Variants in ZNF428 observed in about 807,000 individuals in gnomAD.
ZNF428 encodes the protein enzyme-like protein PIT13.
Under a neutral mutation model 15.6 loss-of-function variants are expected in ZNF428, and 5 were observed. The ratio of observed to expected loss-of-function variants is 0.32; its 90% CI spans 0.17 to 0.67. ZNF428 has a LOEUF of 0.67. Among genes scored for constraint, ZNF428 ranks in the 30% least tolerant of loss-of-function variants. ZNF428 has a pLI of 0.73. For missense variants in ZNF428, 237 were observed against 256.0 expected (o/e 0.93, Z 0.51); for synonymous variants, 97 against 102.2 (o/e 0.95, Z 0.31).
At position 43,614,370 on chromosome 19, in the gene ZNF428, T is replaced by C. The variant is rs2146121070; in HGVS notation, c.-66A>G. 6.5e-7 allele frequency: 1 copy of C among 1,529,296 alleles called. No individual in the cohort carries two copies. The highest frequency in any genetic ancestry group is 2.2e-5 in the Admixed American group (1 of 45,910). The allele number at this position is 1,529,296 out of a possible 1,614,324, so 94.7% of individuals were successfully genotyped here. On this transcript the variant is annotated 5_prime_UTR_variant, in exon 2 of 3. Coordinates refer to ENST00000300811, the MANE Select transcript of ZNF428 (RefSeq NM_182498.4). Reference sequence around the variant, plus strand: ...TGAGCAGCGTCCCTCCCCGGCCAGCTCTCCACAGCCACACCTCCGGCCACA... The same window carrying C: ...TGAGCAGCGTCCCTCCCCGGCCAGCCCTCCACAGCCACACCTCCGGCCACA...
intron 1 of ZNF428, among the ~76,000 whole-genome samples, chr19:43,617,925 G>A (rs1973388057): frequency 6.6e-6 from 1 of 151,852 alleles, no homozygotes; most frequent in South Asian, 2.1e-4. Context: ...GCAGTAGCGC[G>A]ATCTCGGCTC....
At chr19:43,613,771 C>A in intron 2 of ZNF428, 1 of 1,551,442 alleles carries the variant, frequency 6.4e-7, no homozygotes, top group South Asian at 1.2e-5. Flanking sequence ...AATCTAGAAG[C>A]CCCAGCGAGG....
chr19:43,608,354 A>G (rs1187778071), intron 2 of ZNF428, among the ~76,000 whole-genome samples: 1 of 152,246 alleles, frequency 6.6e-6, no homozygotes, highest in Non-Finnish European at 1.5e-5. Context: ...AGGACTGGGC[A>G]CAGTGGCTTA....
intron 1 of ZNF428, among the ~76,000 whole-genome samples, chr19:43,614,971 A>G (rs1973357429): frequency 2.0e-5 from 3 of 151,984 alleles, no homozygotes. Context: ...GGGTAGGGAG[A>G]GGTGACACTC....
chr19:43,611,406 G>A (rs910922792), intron 2 of ZNF428, among the ~76,000 whole-genome samples: 3 of 151,498 alleles, frequency 2.0e-5, no homozygotes, highest in African/African-American at 7.3e-5. Flanking sequence ...TGCAACCTCC[G>A]CCTCCAAGGT....
At chr19:43,608,205 G>T (rs1973260811) in intron 2 of ZNF428, 98 bp from the exon 3 acceptor site, 2 of 1,492,266 alleles carry the variant, frequency 1.3e-6, no homozygotes, top group Non-Finnish European at 1.8e-6. Context: ...ACTTGCCATA[G>T]TATGACAAGG....
In ZNF428 at chr19:43,608,111, G is replaced by A. The variant is rs1324274957; in HGVS notation, c.77-4C>T. On this transcript the variant is annotated splice_region_variant and splice_polypyrimidine_tract_variant and intron_variant, in intron 2 of 2. Coordinates refer to ENST00000300811, the MANE Select transcript of ZNF428 (RefSeq NM_182498.4). ...GAATCAGAGGAATGCTCGGGGCCTG[G>A]AGGGGGACAGACAGGGGAAGACAGT... 3 of 1,608,768 alleles carry A rather than the reference G, an allele frequency of 1.9e-6. No individual in the cohort carries two copies. The highest frequency in any genetic ancestry group is 2.2e-5 in the South Asian group (2 of 90,234).
intron 2 of ZNF428, chr19:43,613,759 C>A (rs751797159): frequency 6.5e-7 from 1 of 1,550,376 alleles, no homozygotes; most frequent in South Asian, 1.2e-5. Context: ...GAGATCGCAG[C>A]CAATCTAGAA....
At chr19:43,613,616 C>T (rs559761240) in intron 2 of ZNF428, 29 of 1,548,624 alleles carry the variant, frequency 1.9e-5, no homozygotes, top group East Asian at 7.4e-5. Flanking sequence ...AGATCACAGA[C>T]GATCTAGAAG....
At chr19:43,613,216 T>C in intron 2 of ZNF428, 5 of 1,551,118 alleles carry the variant, frequency 3.2e-6, no homozygotes, top group South Asian at 2.4e-5. Context: ...AAAGAAGTCA[T>C]AGCCATTCCA....
In ZNF428 at chr19:43,612,656, A is replaced by T. The variant is rs1414895210; in HGVS notation, c.76+1573T>A. 5.8e-6 allele frequency: 9 copies of T among 1,551,346 alleles called. No individual in the cohort carries two copies. The highest frequency in any genetic ancestry group is 7.8e-6 in the Non-Finnish European group (9 of 1,146,990). Reference sequence around the variant, plus strand: ...AAAGAGTTACGGCCGGCCTAGAACCAGCAACAGGGAAAGGAGTGACAGCCA... The same window carrying T: ...AAAGAGTTACGGCCGGCCTAGAACCTGCAACAGGGAAAGGAGTGACAGCCA... On this transcript the variant is annotated intron_variant, in intron 2 of 2. Coordinates refer to ENST00000300811, the MANE Select transcript of ZNF428 (RefSeq NM_182498.4). The surrounding 1 kb of genome is among the most constrained non-coding windows in gnomAD (Gnocchi z 4.2).
At position 43,613,506 on chromosome 19, in the gene ZNF428, G is replaced by C. The variant is rs10408803; in HGVS notation, c.76+723C>G. 1,241 of 1,548,138 alleles carry C rather than the reference G, an allele frequency of 8.0e-4. 19 individuals are homozygous for C. In the African/African-American group the frequency reaches 0.014, roughly 18 times the overall value. On this transcript the variant is annotated intron_variant, in intron 2 of 2. Coordinates refer to ENST00000300811, the MANE Select transcript of ZNF428 (RefSeq NM_182498.4). ...AGTCCCAACAAGGCAAGAGATCATA[G>C]CCGATCTAGAAGTCCCAACAAGGCG...
Position 43,612,029 on chromosome 19 carries a change from G to T in ZNF428, c.76+2200C>A. 2.2e-6 allele frequency: 2 copies of T among 925,174 alleles called. No individual in the cohort carries two copies. The highest frequency in any genetic ancestry group is 3.4e-6 in the Non-Finnish European group (2 of 595,390). 57.3% of individuals were successfully genotyped at this position (925,174 alleles called of 1,614,324 possible). Reference sequence around the variant, plus strand: ...ATGCCCACTATTACTTCACACAGTTGGCCTGTGACAGGCAATCAGGTCATC... The same window carrying T: ...ATGCCCACTATTACTTCACACAGTTTGCCTGTGACAGGCAATCAGGTCATC... On this transcript the variant is annotated intron_variant, in intron 2 of 2. Coordinates refer to ENST00000300811, the MANE Select transcript of ZNF428 (RefSeq NM_182498.4). This position sits in a 1 kb window ranked among gnomAD's most constrained non-coding sequence, Gnocchi z 4.2.
chr19:43,617,126 CT>C (rs1307488410), intron 1 of ZNF428, among the ~76,000 whole-genome samples: 1 of 152,000 alleles, frequency 6.6e-6, no homozygotes, highest in African/African-American at 2.4e-5. Flanking sequence ...TGGAGAACTC[CT>C]TTTCACCCTT....
In ZNF428 at chr19:43,607,543, T is replaced by G; in HGVS notation, c.*74A>C. ...AGTACCCCATCCCCCATGACCACTGTCACAACCCCAATTTCCTCAGCCCCC... is the reference window on the plus strand; with the variant it reads ...AGTACCCCATCCCCCATGACCACTGGCACAACCCCAATTTCCTCAGCCCCC... On this transcript the variant is annotated 3_prime_UTR_variant, in exon 3 of 3. Coordinates refer to ENST00000300811, the MANE Select transcript of ZNF428 (RefSeq NM_182498.4). The surrounding 1 kb of genome is among the most constrained non-coding windows in gnomAD (Gnocchi z 5.1). 1 of 1,496,120 alleles carries G rather than the reference T, an allele frequency of 6.7e-7. No homozygotes were observed. Among genetic ancestry groups the G allele is most frequent in the Non-Finnish European group, 8.9e-7 (1 of 1,120,414 alleles). 92.7% of individuals were successfully genotyped at this position (1,496,120 alleles called of 1,614,324 possible). A position where few individuals can be genotyped will look rare whatever the true frequency, so the allele number is the denominator to read the frequency against.
chr19:43,607,934 G>A lies in ZNF428; in HGVS notation c.250C>T (p.Arg84Cys), dbSNP rs767684684. The change falls in exon 3 of 3, where the codon CGT becomes TGT. Residue 84 changes from arginine (R) to cysteine (C), a missense_variant. Coordinates refer to ENST00000300811, the MANE Select transcript of ZNF428 (RefSeq NM_182498.4). This position sits in a 1 kb window ranked among gnomAD's most constrained non-coding sequence, Gnocchi z 5.1. ...GGCTGGGCCGGGGGCTGGGCTGCACGGGGGGCCCGGCGGGATGGGCCACCA... is the reference window on the plus strand; with the variant it reads ...GGCTGGGCCGGGGGCTGGGCTGCACAGGGGGCCCGGCGGGATGGGCCACCA... ...GRGGPSRRAP[R>C]AAQPPAQPCQ... The A allele has an allele frequency of 1.7e-5, 27 of 1,578,758 alleles. No homozygotes were observed. The highest frequency in any genetic ancestry group is 2.3e-5 in the East Asian group (1 of 43,010).
chr19:43,612,387 G>A lies in ZNF428; in HGVS notation c.76+1842C>T. 1 of 1,551,668 alleles carries A rather than the reference G, an allele frequency of 6.4e-7. No individual in the cohort carries two copies. The highest frequency in any genetic ancestry group is 8.7e-7 in the Non-Finnish European group (1 of 1,147,012). On this transcript the variant is annotated intron_variant, in intron 2 of 2. Coordinates refer to ENST00000300811, the MANE Select transcript of ZNF428 (RefSeq NM_182498.4). The surrounding 1 kb of genome is among the most constrained non-coding windows in gnomAD (Gnocchi z 4.2). ...AGGTCCCGAGTCCGCAGCAAAGCAA[G>A]AACACCCAGCAGGGTGAGCACCGAC...
chr19:43,613,861 G>A, intron 2 of ZNF428: 1 of 1,550,890 alleles, frequency 6.4e-7, no homozygotes. Context: ...AGGAGAGAGA[G>A]CGCAGACAAT....
Position 43,612,352 on chromosome 19 carries a change from GC to G in ZNF428, c.76+1876del. 1 of 1,551,624 alleles carries G rather than the reference GC, an allele frequency of 6.4e-7. No homozygotes were observed. The highest frequency in any genetic ancestry group is 2.4e-5 in the East Asian group (1 of 40,930). The stretch of plus-strand genomic sequence containing the variant: ...GTACAAAAAGAGCCCCTTCTAACCG[GC>G]CCAGCAGCAGGTCCCGAGTCCGCAG... On this transcript the variant is annotated intron_variant, in intron 2 of 2. Coordinates refer to ENST00000300811, the MANE Select transcript of ZNF428 (RefSeq NM_182498.4). This position sits in a 1 kb window ranked among gnomAD's most constrained non-coding sequence, Gnocchi z 4.2.
Sources: allele counts gnomAD v4.1 joint callset (sites outside exome capture counted in the v4.1 genomes callset), GRCh38; gene constraint gnomAD v4.1.1; non-coding constraint Gnocchi (gnomAD v3.1); transcripts MANE v1.5; gene names NCBI Gene and HGNC (gene_info 2026-07-23, HGNC 2026-07-21).